Variants in MEIS1 observed in about 807,000 individuals in gnomAD.
MEIS1 encodes the protein homeobox protein Meis1.
MEIS1 carries 5 observed loss-of-function variants against 50.8 expected under a neutral mutation model. That is an observed-to-expected ratio of 0.10 (90% CI 0.05 to 0.21). The LOEUF (loss-of-function observed/expected upper bound fraction) is 0.21, where lower values mean the gene tolerates loss of function less well. Among genes scored for constraint, MEIS1 ranks in the 10% least tolerant of loss-of-function variants. The pLI is 1.00. For synonymous variants in MEIS1, 176 were observed against 179.3 expected, an observed-to-expected ratio of 0.98 and a Z score of 0.15; for missense variants, 318 against 517.3, an observed-to-expected ratio of 0.61 and a Z score of 3.74.
intron 9 of MEIS1, among the ~76,000 whole-genome samples, chr2:66,564,846 A>G (rs1030483859): frequency 1.3e-4 from 20 of 151,714 alleles, no homozygotes; most frequent in Non-Finnish European, 2.1e-4. Context: ...TACATTAGGT[A>G]TATCTCCTAA....
intron 8 of MEIS1, among the ~76,000 whole-genome samples, chr2:66,520,127 C>A (rs1674076336): frequency 6.6e-6 from 1 of 152,046 alleles, no homozygotes; most frequent in Admixed American, 6.6e-5. Context: ...AGATCAAGGT[C>A]ATTTCTGTTG....
At position 66,437,902 on chromosome 2, in the gene MEIS1, G is replaced by A. The variant is rs780370917; in HGVS notation, c.178G>A (p.Ala60Thr). 7.5e-6 allele frequency: 12 copies of A among 1,608,034 alleles called. No individual in the cohort carries two copies. The African/African-American group carries it at 1.5e-4, about 20-fold the overall frequency. Reference sequence around the variant, plus strand: ...GCACACAGCTCATACCAACGCCATGGCCCCCAGCATGGGCTCCTCTGTCAA... The same window carrying A: ...GCACACAGCTCATACCAACGCCATGACCCCCAGCATGGGCTCCTCTGTCAA... Reference protein sequence around the residue: ...YPHTAHTNAMAPSMGSSVNDA... With the variant: ...YPHTAHTNAMTPSMGSSVNDA... Residue 60 changes from alanine (A) to threonine (T), a missense_variant, in exon 2 of 13, where the codon GCC becomes ACC. This residue lies in a region of MEIS1 where 100 missense variants were observed against 107.1 expected (regional missense o/e 0.93). Transcript: ENST00000272369.
intron 1 of MEIS1, chr2:66,436,803 G>C (rs1421020403): frequency 1.2e-6 from 1 of 850,760 alleles, no homozygotes; most frequent in Non-Finnish European, 1.4e-6. Context: ...TGCCTGGAAT[G>C]AACCAATTAG....
intron 8 of MEIS1, among the ~76,000 whole-genome samples, chr2:66,518,927 T>C (rs917898783): frequency 6.6e-6 from 1 of 152,208 alleles, no homozygotes; most frequent in Non-Finnish European, 1.5e-5. Flanking sequence ...CCAGTAGTAG[T>C]AAATCTACAT....
chr2:66,482,020 C>T (rs1219962645), intron 7 of MEIS1, among the ~76,000 whole-genome samples: 1 of 145,958 alleles, frequency 6.9e-6, no homozygotes, highest in Non-Finnish European at 1.5e-5. Flanking sequence ...ACACACCACA[C>T]CCAGCTAATT....
chr2:66,494,042 G>A (rs752282621), intron 7 of MEIS1, among the ~76,000 whole-genome samples: 6 of 152,194 alleles, frequency 3.9e-5, no homozygotes, highest in Non-Finnish European at 7.3e-5. Flanking sequence ...TATATAGGTG[G>A]TGGTATGATG....
chr2:66,475,160 ATATAAATATCATT>A (rs1027216629), intron 7 of MEIS1, among the ~76,000 whole-genome samples: 14 of 147,230 alleles, frequency 9.5e-5, no homozygotes, highest in Non-Finnish European at 1.9e-4. Flanking sequence ...AAATATATGA[ATATAAATATCATT>A]TATAAATATA....
intron 7 of MEIS1, among the ~76,000 whole-genome samples, chr2:66,486,949 C>G (rs977385380): frequency 3.9e-5 from 6 of 152,106 alleles, no homozygotes; most frequent in African/African-American, 1.4e-4. Flanking sequence ...GACTTTGTAT[C>G]CTGAGACTTT....
At chr2:66,527,305 CAG>C (rs1225961828) in intron 8 of MEIS1, among the ~76,000 whole-genome samples, 3 of 152,148 alleles carry the variant, frequency 2.0e-5, no homozygotes, top group Non-Finnish European at 2.9e-5. Flanking sequence ...AAACAAAACT[CAG>C]GGCCATAAAT....
chr2:66,551,480 T>G (rs1378434512), intron 9 of MEIS1, among the ~76,000 whole-genome samples: 1 of 152,158 alleles, frequency 6.6e-6, no homozygotes, highest in African/African-American at 2.4e-5. Context: ...GAAAGAATCT[T>G]AAAATGGTTG....
chr2:66,489,818 T>C (rs1673231179), intron 7 of MEIS1, among the ~76,000 whole-genome samples: 1 of 152,242 alleles, frequency 6.6e-6, no homozygotes, highest in African/African-American at 2.4e-5. Flanking sequence ...AAAACAATTC[T>C]CAAATGCAGG....
chr2:66,569,081 C>T lies in MEIS1; in HGVS notation c.1146C>T (p.Gly382=). 1 of 1,613,726 alleles carries T rather than the reference C, an allele frequency of 6.2e-7. No individual in the cohort carries two copies. Among genetic ancestry groups the T allele is most frequent in the African/African-American group, 1.3e-5 (1 of 74,960 alleles). Residue 382 remains glycine (G), a synonymous_variant, in exon 12 of 13, where the codon GGC becomes GGT. Transcript: ENST00000272369. Reference sequence around the variant, plus strand: ...TGAGTGGAATGGGCATGAATATGGGCATGGAGGGGCAGTGGCACTACATGT... The same window carrying T: ...TGAGTGGAATGGGCATGAATATGGGTATGGAGGGGCAGTGGCACTACATGT... ...GPMSGMGMNM[G]MEGQWHYM
chr2:66,472,273 G>A (rs1672779518), intron 7 of MEIS1, among the ~76,000 whole-genome samples: 1 of 152,182 alleles, frequency 6.6e-6, no homozygotes, highest in Non-Finnish European at 1.5e-5. Context: ...GCAGAAGTGA[G>A]GAAGTTAATT....
At chr2:66,565,902 T>A (rs939273354) in intron 9 of MEIS1, among the ~76,000 whole-genome samples, 2 of 152,148 alleles carry the variant, frequency 1.3e-5, no homozygotes, top group Non-Finnish European at 2.9e-5. Context: ...AGGCAGCTAA[T>A]GAAAAAACAG....
intron 7 of MEIS1, among the ~76,000 whole-genome samples, chr2:66,475,209 A>AATAAATATGTATTATTTATTTT (rs201184412): frequency 0.16 from 22,746 of 145,874 alleles, 4,285 homozygotes; most frequent in African/African-American, 0.45. Flanking sequence ...CACCTATATA[A>AATAAATATGTATTATTTATTTT]ATAAATATGT....
At chr2:66,519,670 C>T (rs1048331396) in intron 8 of MEIS1, among the ~76,000 whole-genome samples, 3 of 152,034 alleles carry the variant, frequency 2.0e-5, no homozygotes, top group East Asian at 1.9e-4. Flanking sequence ...CCAGTGAGCA[C>T]GGGTCCCAAG....
Position 66,548,654 on chromosome 2 carries a change from A to G in MEIS1, c.965+635A>G, listed in dbSNP as rs576609701. ...ACAATATTCTGACTCAATGTACAGC[A>G]GTGTGGCAATGAGGCTTTGAGAAAG... On this transcript the variant is annotated intron_variant, in intron 9 of 12. Coordinates refer to ENST00000272369, the MANE Select transcript of MEIS1 (RefSeq NM_002398.3). Among the ~76,000 whole-genome samples the G allele has an allele frequency of 4.6e-5, 7 of 152,330 alleles. No individual in the cohort carries two copies. In the South Asian group the frequency reaches 1.5e-3, roughly 32 times the overall value.
chr2:66,517,415 T>C (rs1393593384), intron 8 of MEIS1, among the ~76,000 whole-genome samples: 1 of 147,426 alleles, frequency 6.8e-6, no homozygotes, highest in Non-Finnish European at 1.5e-5. Context: ...TGCGAGAAGA[T>C]TTTTTTTTCC....
chr2:66,437,804 C>T lies in MEIS1; in HGVS notation c.80C>T (p.Pro27Leu), dbSNP rs1163790343. 2 of 1,613,944 alleles carry T rather than the reference C, an allele frequency of 1.2e-6. No individual in the cohort carries two copies. Among genetic ancestry groups the T allele is most frequent in the East Asian group, 2.2e-5 (1 of 44,860 alleles). Residue 27 changes from proline to leucine, a missense_variant, in exon 2 of 13, where the codon CCG becomes CTG. Pro to Leu is a moderately conservative substitution (Grantham distance 98). Coordinates refer to ENST00000272369, the MANE Select transcript of MEIS1 (RefSeq NM_002398.3). ...VGIPSTMYGD[P>L]HAARSMQPVH... ...ATCCCCTCCACGATGTATGGGGACC[C>T]GCATGCAGCCAGGTCCATGCAGCCG...
Sources: gnomAD v4.1 joint callset for allele counts (sites outside exome capture counted in the v4.1 genomes callset) on GRCh38, gnomAD v4.1.1 for gene constraint, gnomAD v4.1.1 regional missense constraint, MANE v1.5 for transcripts, NCBI Gene and HGNC (gene_info 2026-07-23, HGNC 2026-07-21) for gene names.